CREBBP: variants seen among roughly 807,000 people sequenced by gnomAD.
CREBBP encodes the protein CREB-binding protein.
A neutral mutation model predicts 265.0 loss-of-function variants in CREBBP; 19 were observed. The ratio of observed to expected loss-of-function variants is 0.07; its 90% CI spans 0.05 to 0.11. The LOEUF (loss-of-function observed/expected upper bound fraction) is 0.11, where lower values mean the gene tolerates loss of function less well. Among genes scored for constraint, CREBBP ranks in the 10% least tolerant of loss-of-function variants. CREBBP has a pLI of 1.00. For missense variants in CREBBP, 2,525 were observed against 3,219.0 expected (o/e 0.78, Z 5.22); for synonymous variants, 1,457 against 1,223.7 (o/e 1.19, Z -3.98).
At chr16:3,777,797 C>T (rs531907160) in intron 10 of CREBBP, 140 bp from the exon 11 acceptor site, 3 of 1,117,304 alleles carry the variant, frequency 2.7e-6, no homozygotes, top group Non-Finnish European at 4.0e-6. Context: ...ACGTGTGTTC[C>T]AATGCCAGCG....
intron 2 of CREBBP, among the ~76,000 whole-genome samples, chr16:3,834,930 G>T (rs951389903): frequency 6.6e-6 from 1 of 152,128 alleles, no homozygotes; most frequent in East Asian, 1.9e-4. Flanking sequence ...AGGCCGAGGC[G>T]GGCGGATCAC....
chr16:3,820,868 G>C (rs914182766), intron 2 of CREBBP, among the ~76,000 whole-genome samples: 4 of 152,184 alleles, frequency 2.6e-5, no homozygotes, highest in African/African-American at 9.7e-5. Context: ...CTTAGAAGAA[G>C]AGTGGAAATG....
At chr16:3,756,236 TATCTTGG>T (rs2052582921) in intron 19 of CREBBP, among the ~76,000 whole-genome samples, 1 of 152,198 alleles carries the variant, frequency 6.6e-6, no homozygotes, top group South Asian at 2.1e-4. Flanking sequence ...CACAAACCTC[TATCTTGG>T]CCACAGAGAA....
At chr16:3,828,429 G>C (rs1399627680) in intron 2 of CREBBP, among the ~76,000 whole-genome samples, 2 of 152,216 alleles carry the variant, frequency 1.3e-5, no homozygotes, top group Admixed American at 6.5e-5. Flanking sequence ...AAAATTGCTT[G>C]GCTGAATTAG....
intron 3 of CREBBP, among the ~76,000 whole-genome samples, chr16:3,804,402 T>A (rs769607207): frequency 2.0e-5 from 3 of 152,174 alleles, no homozygotes; most frequent in Non-Finnish European, 2.9e-5. Flanking sequence ...GGCAAATTAG[T>A]TACTGGACAG....
rs371282657 is a variant in CREBBP, at chr16:3,770,913, G to C, written c.2537C>G (p.Pro846Arg). Residue 846 changes from proline (P) to arginine (R), a missense_variant, in exon 14 of 31, where the codon CCT becomes CGT. Around this residue, in one of 19 missense-constraint regions of CREBBP, gnomAD observed 548 missense variants for 533.0 expected, o/e 1.03. Transcript: ENST00000262367. ...GTGCAGTGGTGACTGTGTCACTGGA[G>C]GGCAAGGTAGCTGGCTGGCCTGAGG... The part of the protein sequence containing the change: ...LGPQASQLPC[P>R]PVTQSPLHPT... 5.6e-6 allele frequency: 9 copies of C among 1,613,826 alleles called. No individual in the cohort carries two copies. In the African/African-American group the frequency reaches 1.2e-4, roughly 22 times the overall value.
chr16:3,871,101 AAG>A (rs1344523187), intron 1 of CREBBP, among the ~76,000 whole-genome samples: 3 of 151,818 alleles, frequency 2.0e-5, no homozygotes, highest in African/African-American at 7.3e-5. Context: ...AGAAAGAAAA[AAG>A]AAAGAAAGAA....
intron 4 of CREBBP, 44 bp from the exon 5 acceptor site, chr16:3,792,138 C>A (rs770598536): frequency 4.8e-6 from 7 of 1,447,884 alleles, no homozygotes; most frequent in Admixed American, 1.7e-5. Context: ...CTATCCAAAT[C>A]GTCACACTTT....
At chr16:3,874,255 C>T (rs1401861051) in intron 1 of CREBBP, among the ~76,000 whole-genome samples, 1 of 152,202 alleles carries the variant, frequency 6.6e-6, no homozygotes, top group Admixed American at 6.5e-5. Context: ...CTGAAGTGCT[C>T]CAAGACAGGA....
At chr16:3,867,128 T>C (rs779664513) in intron 1 of CREBBP, among the ~76,000 whole-genome samples, 2 of 152,178 alleles carry the variant, frequency 1.3e-5, no homozygotes, top group Non-Finnish European at 2.9e-5. Flanking sequence ...ATTTCAACTA[T>C]TAAGGTGGGT....
intron 16 of CREBBP, among the ~76,000 whole-genome samples, chr16:3,763,555 C>T (rs1422908488): frequency 1.3e-5 from 2 of 152,010 alleles, no homozygotes; most frequent in Non-Finnish European, 1.5e-5. Flanking sequence ...CTGCCGCCTC[C>T]TGGGTTCAAG....
At chr16:3,834,127 G>A (rs1380304683) in intron 2 of CREBBP, among the ~76,000 whole-genome samples, 3 of 152,184 alleles carry the variant, frequency 2.0e-5, no homozygotes, top group African/African-American at 7.2e-5. Context: ...AAATGCTGGC[G>A]AGGATGTAGT....
chr16:3,850,595 G>A lies in CREBBP; in HGVS notation c.500C>T (p.Ala167Val), dbSNP rs944810089. ...GATACCAGGTCCAGTCTGTGACGTGGCAGGGCTGCTAGTCGCCAGCCCCAC... is the reference window on the plus strand; with the variant it reads ...GATACCAGGTCCAGTCTGTGACGTGACAGGGCTGCTAGTCGCCAGCCCCAC... ...KQVGLATSSP[A>V]TSQTGPGICM... Residue 167 changes from alanine to valine, a missense_variant, in exon 2 of 31, where the codon GCC (alanine) becomes GTC (valine). Transcript: ENST00000262367. 11 of 1,614,242 alleles carry A rather than the reference G, an allele frequency of 6.8e-6. No homozygotes were observed. Among genetic ancestry groups the A allele is most frequent in the Middle Eastern group, 1.6e-4 (1 of 6,062 alleles).
rs2052651321 is a variant in CREBBP at position 3,759,113 on chromosome 16, C to T, written c.3251-141G>A. 7.6e-5 allele frequency: 55 copies of T among 724,716 alleles called. 1 individual carries two copies. Among genetic ancestry groups the T allele is most frequent in the South Asian group, 6.9e-4 (47 of 67,954 alleles). 44.9% of individuals were successfully genotyped at this position (724,716 alleles called of 1,614,324 possible). A position where few individuals can be genotyped will look rare whatever the true frequency, so the allele number is the denominator to read the frequency against. ...CACTCGAGGGGCTCTCGTCCATCAC[C>T]GTTAAGGACTAAAGCTTCTGAAAAC... On this transcript the variant is annotated intron_variant, in intron 16 of 30. Transcript: ENST00000262367.
chr16:3,849,442 T>TGTGTGTGTGTGTGTGTGTGTGTGTGTGTG (rs2054764803), intron 2 of CREBBP, among the ~76,000 whole-genome samples: 3 of 18,714 alleles, frequency 1.6e-4, no homozygotes, highest in African/African-American at 2.6e-4. Context: ...TGTGTGTGTG[T>TGTGTGTGTGTGTGTGTGTGTGTGTGTGTG]GTGTGTGTGT....
At chr16:3,734,716 C>T (rs138261856) in intron 28 of CREBBP, among the ~76,000 whole-genome samples, 95 of 152,286 alleles carry the variant, frequency 6.2e-4, no homozygotes, top group Non-Finnish European at 1.2e-3. Flanking sequence ...CTCTGTCCTG[C>T]GAATGACACT....
chr16:3,780,629 A>T (rs1344926178), intron 8 of CREBBP, 103 bp downstream of exon 8: 1 of 1,269,770 alleles, frequency 7.9e-7, no homozygotes, highest in Non-Finnish European at 1.1e-6. Context: ...TCCCTAAATA[A>T]GCACGTGACT....
intron 14 of CREBBP, among the ~76,000 whole-genome samples, chr16:3,770,150 G>A (rs569537080): frequency 5.3e-5 from 8 of 152,120 alleles, no homozygotes; most frequent in African/African-American, 1.2e-4. Flanking sequence ...GATTACAGGC[G>A]TGAACCACCG....
intron 1 of CREBBP, among the ~76,000 whole-genome samples, chr16:3,872,310 T>G (rs114732246): frequency 7.8e-4 from 119 of 152,296 alleles, no homozygotes; most frequent in African/African-American, 2.7e-3. Context: ...ATTTGATTTG[T>G]GTGCCCTTGC....
Sources: allele counts gnomAD v4.1 joint callset (sites outside exome capture counted in the v4.1 genomes callset), GRCh38; gene constraint gnomAD v4.1.1; regional missense constraint gnomAD v4.1.1; transcripts MANE v1.5; gene names NCBI Gene and HGNC (gene_info 2026-07-23, HGNC 2026-07-21).